The following CCSER1 variants were observed in gnomAD, a reference collection of about 807,000 sequenced individuals.
CCSER1 encodes coiled-coil serine rich protein 1, also known as serine-rich coiled-coil domain-containing protein 1.
Under a neutral mutation model 82.0 loss-of-function variants are expected in CCSER1, and 41 were observed. That is an observed-to-expected ratio of 0.50 (90% CI 0.39 to 0.65). The LOEUF (loss-of-function observed/expected upper bound fraction) is 0.65. CCSER1 is among the 30% of genes least tolerant of loss of function. The pLI is 0.00. For synonymous variants in CCSER1, 414 were observed against 383.9 expected, an observed-to-expected ratio of 1.08 and a Z score of -0.92; for missense variants, 1,119 against 1,064.2, an observed-to-expected ratio of 1.05 and a Z score of -0.72.
At chr4:90,746,461 A>G (rs1747491962) in intron 7 of CCSER1, among the ~76,000 whole-genome samples, 1 of 152,176 alleles carries the variant, frequency 6.6e-6, no homozygotes, top group Non-Finnish European at 1.5e-5. Context: ...TATACACATA[A>G]TATCAGCCTA....
chr4:91,087,925 G>A (rs1038665145), intron 10 of CCSER1, among the ~76,000 whole-genome samples: 3 of 152,074 alleles, frequency 2.0e-5, no homozygotes, highest in South Asian at 4.1e-4. Context: ...AGACAATTAG[G>A]TGAAGTATGT....
chr4:90,713,797 A>G (rs1741095728), intron 6 of CCSER1, among the ~76,000 whole-genome samples: 2 of 151,862 alleles, frequency 1.3e-5, no homozygotes, highest in South Asian at 4.2e-4. Flanking sequence ...TCGTAGGTTC[A>G]GTCTCTACAT....
intron 7 of CCSER1, among the ~76,000 whole-genome samples, chr4:90,802,150 G>A (rs993270059): frequency 6.6e-5 from 10 of 151,136 alleles, no homozygotes; most frequent in East Asian, 1.9e-4. Flanking sequence ...CCCGGGAGGC[G>A]GAGTTTGCAG....
intron 5 of CCSER1, among the ~76,000 whole-genome samples, chr4:90,618,096 C>T (rs527930434): frequency 1.3e-5 from 2 of 151,982 alleles, no homozygotes; most frequent in South Asian, 2.1e-4. Flanking sequence ...TGTATGAAAT[C>T]TGATTGGGAA....
chr4:90,712,021 T>C (rs1295442469), intron 6 of CCSER1, among the ~76,000 whole-genome samples: 2 of 152,018 alleles, frequency 1.3e-5, no homozygotes, highest in Non-Finnish European at 2.9e-5. Flanking sequence ...TGACTGTGGA[T>C]ATTTGAATCT....
intron 9 of CCSER1, among the ~76,000 whole-genome samples, chr4:91,002,501 G>A (rs1738122242): frequency 6.6e-6 from 1 of 152,090 alleles, no homozygotes; most frequent in African/African-American, 2.4e-5. Context: ...CTGTCTTCAA[G>A]CTCAGAAGTT....
At chr4:91,365,260 G>A (rs958868576) in intron 10 of CCSER1, among the ~76,000 whole-genome samples, 7 of 152,260 alleles carry the variant, frequency 4.6e-5, no homozygotes, top group African/African-American at 9.6e-5. Flanking sequence ...ACATCCATGC[G>A]TGCATCATAC....
intron 10 of CCSER1, among the ~76,000 whole-genome samples, chr4:91,395,342 G>A (rs1215164207): frequency 2.0e-5 from 3 of 152,114 alleles, no homozygotes; most frequent in Non-Finnish European, 4.4e-5. Context: ...TATATCAAGA[G>A]AGTGCAGCCA....
intron 10 of CCSER1, among the ~76,000 whole-genome samples, chr4:91,573,563 A>G (rs138411454): frequency 0.01 from 1,551 of 152,306 alleles, 12 homozygotes; most frequent in Admixed American, 0.019. Context: ...CAAGGATTGC[A>G]AAGATCCATA....
At chr4:91,374,048 T>A (rs76194663) in intron 10 of CCSER1, among the ~76,000 whole-genome samples, 2,993 of 152,200 alleles carry the variant, frequency 0.02, 77 homozygotes, top group African/African-American at 0.067. Context: ...CAGAGAAAAG[T>A]TTGAAGCTAG....
At chr4:90,552,457 T>C (rs1391099637) in intron 5 of CCSER1, among the ~76,000 whole-genome samples, 1 of 152,192 alleles carries the variant, frequency 6.6e-6, no homozygotes, top group Non-Finnish European at 1.5e-5. Context: ...TATACTGTGC[T>C]ACACACTTAG....
rs181013114 is a variant in CCSER1, at chr4:90,914,340, T to C, written c.2095-9030T>C. Among the ~76,000 whole-genome samples, 13 of 152,148 alleles carry C rather than the reference T, an allele frequency of 8.5e-5. No individual in the cohort carries two copies. The East Asian group carries it at 1.7e-3, about 20-fold the overall frequency. ...AAACTAGAACTCAGGATTAAGAAAATCACTCAAAACCGCTCAACTACATGG... is the reference window on the plus strand; with the variant it reads ...AAACTAGAACTCAGGATTAAGAAAACCACTCAAAACCGCTCAACTACATGG... On this transcript the variant is annotated intron_variant, in intron 8 of 10. Coordinates refer to ENST00000509176, the MANE Select transcript of CCSER1 (RefSeq NM_001145065.2).
At chr4:90,712,083 T>C (rs944532845) in intron 6 of CCSER1, among the ~76,000 whole-genome samples, 2 of 117,650 alleles carry the variant, frequency 1.7e-5, no homozygotes, top group African/African-American at 7.5e-5. Flanking sequence ...CTATTAATTT[T>C]TTTCAAAAAA....
At chr4:91,150,752 G>GT (rs951913087) in intron 10 of CCSER1, among the ~76,000 whole-genome samples, 1 of 152,134 alleles carries the variant, frequency 6.6e-6, no homozygotes, top group Admixed American at 6.5e-5. Flanking sequence ...CTTTGGTTCT[G>GT]TTTATATGAT....
intron 10 of CCSER1, among the ~76,000 whole-genome samples, chr4:91,498,509 T>C (rs1759047106): frequency 6.6e-6 from 1 of 151,816 alleles, no homozygotes; most frequent in East Asian, 1.9e-4. Context: ...TTTTCTGCAC[T>C]TCTCTTTCTC....
At chr4:91,582,631 A>G (rs1275035824) in intron 10 of CCSER1, among the ~76,000 whole-genome samples, 1 of 151,542 alleles carries the variant, frequency 6.6e-6, no homozygotes, top group African/African-American at 2.4e-5. Context: ...TTGACTATCT[A>G]TTTAGGTTGG....
Position 91,598,842 on chromosome 4 carries a change from C to G in CCSER1, c.2488C>G (p.Leu830Val). Residue 830 changes from leucine (L) to valine (V), a missense_variant, in exon 11 of 11, where the codon CTG becomes GTG. By Grantham distance (32) the Leu-to-Val change is conservative. Coordinates refer to ENST00000509176, the MANE Select transcript of CCSER1 (RefSeq NM_001145065.2). ...ACGGGCCACCGTTGGGCAGAGCTCT[C>G]TGAAGCCAACAGCTAAGACAGAAGG... ...NLRATVGQSS[L>V]KPTAKTEGLS... 6.4e-7 allele frequency: 1 copy of G among 1,551,656 alleles called. No homozygotes were observed. The highest frequency in any genetic ancestry group is 1.2e-5 in the South Asian group (1 of 84,064).
chr4:90,718,071 A>G (rs1741972905), intron 6 of CCSER1, among the ~76,000 whole-genome samples: 1 of 152,114 alleles, frequency 6.6e-6, no homozygotes, highest in Admixed American at 6.6e-5. Context: ...ATAGAAATCA[A>G]AATTATCTTA....
At chr4:91,343,007 T>C (rs1444898301) in intron 10 of CCSER1, among the ~76,000 whole-genome samples, 2 of 152,078 alleles carry the variant, frequency 1.3e-5, no homozygotes, top group Non-Finnish European at 2.9e-5. Flanking sequence ...GTACTAGGAA[T>C]ATAAAAAATT....
Sources: gnomAD v4.1 joint callset for allele counts (sites outside exome capture counted in the v4.1 genomes callset) on GRCh38, gnomAD v4.1.1 for gene constraint, MANE v1.5 for transcripts, NCBI Gene and HGNC (gene_info 2026-07-23, HGNC 2026-07-21) for gene names.